MAMDC2: variants seen among roughly 807,000 people sequenced by gnomAD.
The protein encoded by MAMDC2 is MAM domain containing 2.
In MAMDC2, 57 loss-of-function variants were observed where a neutral mutation model predicts 89.8. The ratio of observed to expected loss-of-function variants is 0.63; its 90% CI spans 0.51 to 0.79. The LOEUF (loss-of-function observed/expected upper bound fraction) is 0.79, where lower values mean the gene tolerates loss of function less well. MAMDC2 is among the 30% of genes least tolerant of loss of function. The pLI is 0.00. For synonymous variants in MAMDC2, 313 were observed against 293.4 expected, an observed-to-expected ratio of 1.07 and a Z score of -0.68; for missense variants, 800 against 820.6, an observed-to-expected ratio of 0.97 and a Z score of 0.31.
intron 2 of MAMDC2, among the ~76,000 whole-genome samples, chr9:70,065,353 T>C (rs1827240861): frequency 6.6e-6 from 1 of 152,202 alleles, no homozygotes; most frequent in South Asian, 2.1e-4. Context: ...TCCCTCTTTC[T>C]GTCCAGAAAA....
intron 11 of MAMDC2, among the ~76,000 whole-genome samples, chr9:70,183,953 T>G (rs929327547): frequency 6.6e-6 from 1 of 152,350 alleles, no homozygotes; most frequent in Middle Eastern, 3.4e-3. Flanking sequence ...TGGCTGTTAC[T>G]TGATGTAGTT....
intron 10 of MAMDC2, 95 bp from the exon 11 acceptor site, chr9:70,170,384 G>T: frequency 7.1e-7 from 1 of 1,408,094 alleles, no homozygotes; most frequent in Admixed American, 2.2e-5. Flanking sequence ...CATGGCATAT[G>T]GCCAGACAAC....
chr9:70,181,391 C>A (rs2209780), intron 11 of MAMDC2, among the ~76,000 whole-genome samples: 137,559 of 152,244 alleles, frequency 0.9, 62,436 homozygotes, highest in East Asian at 0.98. Flanking sequence ...CTGTGAAGAA[C>A]GTCAATGGTA....
In MAMDC2 at chr9:70,131,661, T is replaced by C. The variant is rs777399075; in HGVS notation, c.994+49T>C. 6 of 1,349,410 alleles carry C rather than the reference T, an allele frequency of 4.4e-6. No individual in the cohort carries two copies. The Admixed American group carries it at 7.6e-5, about 17-fold the overall frequency. The allele number at this position is 1,349,410 out of a possible 1,614,324, so 83.6% of individuals were successfully genotyped here. On this transcript the variant is annotated intron_variant, in intron 7 of 13. Coordinates refer to ENST00000377182, the MANE Select transcript of MAMDC2 (RefSeq NM_153267.5). ...GCATTTTGGGATGTTCCTGTTTCAA[T>C]AGATGTTTGTGGTCAGAACTTGTTT...
chr9:70,051,886 TAG>T (rs796735362), intron 2 of MAMDC2, among the ~76,000 whole-genome samples: 59 of 100,180 alleles, frequency 5.9e-4, no homozygotes, highest in East Asian at 3.0e-3. Flanking sequence ...TCTAGATAGA[TAG>T]AGATAGATAG....
chr9:70,095,648 C>T (rs1037161258), intron 2 of MAMDC2, among the ~76,000 whole-genome samples: 4 of 152,154 alleles, frequency 2.6e-5, no homozygotes, highest in African/African-American at 9.7e-5. Context: ...CAGAAAGATA[C>T]ATGAGTCTGG....
rs188179484 is a variant in MAMDC2, at chr9:70,091,821, G to A, written c.149-16390G>A. Among the ~76,000 whole-genome samples the A allele has an allele frequency of 2.0e-5, 3 of 152,288 alleles. No homozygotes were observed. The East Asian group carries it at 5.8e-4, about 29-fold the overall frequency. On this transcript the variant is annotated intron_variant, in intron 2 of 13. Transcript: ENST00000377182. Reference sequence around the variant, plus strand: ...CAGTGTTATTGTCATCAAAACCCTAGTCTCCATGGCAACCAACTTATTGAA... The same window carrying A: ...CAGTGTTATTGTCATCAAAACCCTAATCTCCATGGCAACCAACTTATTGAA...
chr9:70,170,534 T>C lies in MAMDC2; in HGVS notation c.1554T>C (p.Phe518=), dbSNP rs1423146520. The change falls in exon 11 of 14, where the codon TTT becomes TTC. Residue 518 remains phenylalanine, a synonymous_variant. Transcript: ENST00000377182. ...ECTFEQDECT[F]TQEKRNRSSW... is the part of the protein sequence containing the mutation. ...CTTTCGAGCAAGATGAATGTACATT[T>C]ACTCAGGAGAAAAGAAACCGGAGCA... 2.5e-6 allele frequency: 4 copies of C among 1,613,110 alleles called. No individual in the cohort carries two copies. The highest frequency in any genetic ancestry group is 3.4e-6 in the Non-Finnish European group (4 of 1,179,838).
At chr9:70,176,664 T>A (rs949565613) in intron 11 of MAMDC2, among the ~76,000 whole-genome samples, 1 of 152,218 alleles carries the variant, frequency 6.6e-6, no homozygotes, top group Non-Finnish European at 1.5e-5. Context: ...TCAAGACACC[T>A]TCCACTTTTC....
intron 7 of MAMDC2, among the ~76,000 whole-genome samples, chr9:70,131,920 A>G (rs1356596508): frequency 2.6e-5 from 4 of 152,228 alleles, no homozygotes; most frequent in African/African-American, 9.6e-5. Flanking sequence ...CTTTCTCTTT[A>G]GAGGATATCT....
At chr9:70,062,789 A>T (rs977630365) in intron 2 of MAMDC2, 14 of 152,194 alleles carry the variant, frequency 9.2e-5, no homozygotes, top group African/African-American at 3.1e-4. Context: ...AAATTCTTCT[A>T]CTGCCTAGGT....
At chr9:70,206,918 T>C (rs1025484077) in intron 11 of MAMDC2, among the ~76,000 whole-genome samples, 2 of 152,148 alleles carry the variant, frequency 1.3e-5, no homozygotes, top group Non-Finnish European at 2.9e-5. Flanking sequence ...CTGAGAATGA[T>C]GGTTTCCAGC....
At chr9:70,112,452 A>C (rs1458549266) in intron 4 of MAMDC2, among the ~76,000 whole-genome samples, 2 of 152,176 alleles carry the variant, frequency 1.3e-5, no homozygotes, top group African/African-American at 2.4e-5. Context: ...CATCTCAGAC[A>C]CATGTCCCTC....
intron 9 of MAMDC2, among the ~76,000 whole-genome samples, chr9:70,152,689 G>T (rs1587519310): frequency 6.6e-6 from 1 of 152,106 alleles, no homozygotes; most frequent in Admixed American, 6.5e-5. Context: ...ACCTTCTGGT[G>T]TTCTAGTTTA....
intron 2 of MAMDC2, among the ~76,000 whole-genome samples, chr9:70,078,644 A>G (rs76496223): frequency 0.035 from 5,316 of 152,238 alleles, 122 homozygotes; most frequent in Non-Finnish European, 0.054. Flanking sequence ...AGGTTAATTT[A>G]TAGCTATCTG....
rs772152688 is a variant in MAMDC2, at chr9:70,218,419, T to C, written c.1734T>C (p.Ser578=). Reference sequence around the variant, plus strand: ...TGTCCAGGCCTCTGCGAGGAGTCTCTGGAAAACACTGCTTGACCTTTTTCT... The same window carrying C: ...TGTCCAGGCCTCTGCGAGGAGTCTCCGGAAAACACTGCTTGACCTTTTTCT... The part of the protein sequence containing the change: ...RLLSRPLRGV[S]GKHCLTFFYH... The change falls in exon 12 of 14, where the codon TCT becomes TCC. Residue 578 remains serine (S), a synonymous_variant. Transcript: ENST00000377182. 6 of 1,614,088 alleles carry C rather than the reference T, an allele frequency of 3.7e-6. 1 individual carries two copies. Among genetic ancestry groups the C allele is most frequent in the South Asian group, 3.3e-5 (3 of 91,090 alleles).
intron 2 of MAMDC2, among the ~76,000 whole-genome samples, chr9:70,066,262 T>C (rs1827260185): frequency 6.6e-6 from 1 of 151,980 alleles, no homozygotes; most frequent in Non-Finnish European, 1.5e-5. Flanking sequence ...GCAAAATCCC[T>C]GAGGAAAGGG....
chr9:70,201,731 T>G (rs958484728), intron 11 of MAMDC2, among the ~76,000 whole-genome samples: 5 of 142,526 alleles, frequency 3.5e-5, no homozygotes, highest in African/African-American at 8.3e-5. Flanking sequence ...CAATTTCAGA[T>G]CCTGTTATTG....
intron 11 of MAMDC2, among the ~76,000 whole-genome samples, chr9:70,198,638 T>C (rs2033027449): frequency 6.6e-6 from 1 of 152,118 alleles, no homozygotes; most frequent in East Asian, 1.9e-4. Context: ...CCCTGCAACA[T>C]TTAACAATTT....
Sources: gnomAD v4.1 joint callset for allele counts (sites outside exome capture counted in the v4.1 genomes callset) on GRCh38, gnomAD v4.1.1 for gene constraint, MANE v1.5 for transcripts, NCBI Gene and HGNC (gene_info 2026-07-23, HGNC 2026-07-21) for gene names.